ANKS1B: variants seen among roughly 807,000 people sequenced by gnomAD.
ANKS1B encodes ankyrin repeat and sterile alpha motif domain-containing protein 1B.
ANKS1B carries 36 observed loss-of-function variants against 148.3 expected under a neutral mutation model. The ratio of observed to expected loss-of-function variants is 0.24; its 90% CI spans 0.19 to 0.32. ANKS1B has a LOEUF of 0.32. Among genes scored for constraint, ANKS1B ranks in the 10% least tolerant of loss-of-function variants. ANKS1B has a pLI of 1.00. For synonymous variants in ANKS1B, 542 were observed against 560.8 expected (o/e 0.97, Z 0.47); for missense variants, 1,157 against 1,542.6 (o/e 0.75, Z 4.19).
intron 8 of ANKS1B, among the ~76,000 whole-genome samples, chr12:99,705,326 A>G (rs2055561444): frequency 6.6e-6 from 1 of 152,076 alleles, no homozygotes; most frequent in African/African-American, 2.4e-5. Context: ...GAAAACAGGT[A>G]TACTGGATGT....
chr12:98,794,379 C>G, intron 22 of ANKS1B: 1 of 200,216 alleles, frequency 5.0e-6, no homozygotes, highest in African/African-American at 3.6e-5. Context: ...GTGACAAGAG[C>G]GAAACTCTGT....
intron 1 of ANKS1B, among the ~76,000 whole-genome samples, chr12:99,964,105 A>G (rs1400904876): frequency 1.3e-5 from 2 of 152,142 alleles, no homozygotes; most frequent in Non-Finnish European, 2.9e-5. Context: ...GGCCTACTAC[A>G]TGTCCACAAC....
intron 17 of ANKS1B, among the ~76,000 whole-genome samples, chr12:99,014,943 G>A (rs2099941522): frequency 6.6e-6 from 1 of 152,216 alleles, no homozygotes; most frequent in Non-Finnish European, 1.5e-5. Context: ...TTCAGCCATT[G>A]TGGAAGACAC....
chr12:99,603,964 G>A (rs2153304527), intron 9 of ANKS1B, among the ~76,000 whole-genome samples: 1 of 152,192 alleles, frequency 6.6e-6, no homozygotes, highest in South Asian at 2.1e-4. Context: ...TGATCCCAAA[G>A]TTATCAGAAA....
rs535556925 is a variant in ANKS1B, at chr12:99,342,482, C to T, written c.1756+57149G>A. ...TGCGATAAGTCTAAAGAGGTAGAAA[C>T]CCAACCAATGTTCATTGAATGAATA... is the stretch of plus-strand genomic sequence containing the variant. On this transcript the variant is annotated intron_variant, in intron 12 of 26. Transcript: ENST00000683438. 3.9e-5 allele frequency among the ~76,000 whole-genome samples: 6 copies of T among 152,020 alleles called. No individual in the cohort carries two copies. The South Asian group carries it at 1.2e-3, about 32-fold the overall frequency.
At chr12:98,972,129 C>T (rs1189422428) in intron 17 of ANKS1B, among the ~76,000 whole-genome samples, 1 of 152,186 alleles carries the variant, frequency 6.6e-6, no homozygotes, top group African/African-American at 2.4e-5. Context: ...GATTGTGCCA[C>T]TGCACTCCAG....
intron 9 of ANKS1B, among the ~76,000 whole-genome samples, chr12:99,613,862 A>G (rs2097922995): frequency 6.6e-6 from 1 of 152,036 alleles, no homozygotes; most frequent in South Asian, 2.1e-4. Flanking sequence ...AAACTTAAAA[A>G]TAAAGTCAAA....
At chr12:99,662,396 C>T (rs754894706) in intron 8 of ANKS1B, among the ~76,000 whole-genome samples, 8 of 152,154 alleles carry the variant, frequency 5.3e-5, no homozygotes, top group Non-Finnish European at 7.4e-5. Flanking sequence ...ATAAAAGCTG[C>T]ATGATTGCAG....
intron 8 of ANKS1B, among the ~76,000 whole-genome samples, chr12:99,700,095 A>G (rs2054570788): frequency 6.6e-6 from 1 of 152,200 alleles, no homozygotes; most frequent in Non-Finnish European, 1.5e-5. Context: ...TTTGCACAGA[A>G]GACAACTTTT....
At chr12:99,344,510 T>C (rs540981499) in intron 12 of ANKS1B, among the ~76,000 whole-genome samples, 1 of 152,202 alleles carries the variant, frequency 6.6e-6, no homozygotes, top group East Asian at 1.9e-4. Context: ...CATAAAATTT[T>C]GTAAGAACAT....
At chr12:98,803,866 AG>A (rs1304486223) in intron 20 of ANKS1B, among the ~76,000 whole-genome samples, 2 of 152,254 alleles carry the variant, frequency 1.3e-5, no homozygotes, top group Non-Finnish European at 2.9e-5. Context: ...ATACATTTAA[AG>A]CCAGAGCCAC....
At chr12:98,830,338 G>A (rs978932923) in intron 18 of ANKS1B, among the ~76,000 whole-genome samples, 6 of 151,860 alleles carry the variant, frequency 4.0e-5, no homozygotes, top group African/African-American at 1.5e-4. Context: ...AAACTCTCAA[G>A]TAGCCTCCAA....
chr12:98,918,467 C>T (rs960580883), intron 17 of ANKS1B, among the ~76,000 whole-genome samples: 11 of 152,334 alleles, frequency 7.2e-5, no homozygotes, highest in Non-Finnish European at 1.3e-4. Flanking sequence ...CTCTAACCAA[C>T]GTATGCCCCA....
At chr12:99,237,791 T>C (rs2088299453) in intron 14 of ANKS1B, among the ~76,000 whole-genome samples, 1 of 152,314 alleles carries the variant, frequency 6.6e-6, no homozygotes, top group East Asian at 1.9e-4. Context: ...TCTATATATA[T>C]ACATATTTGA....
At chr12:99,042,739 T>C (rs1281325629) in intron 17 of ANKS1B, among the ~76,000 whole-genome samples, 1 of 152,162 alleles carries the variant, frequency 6.6e-6, no homozygotes, top group Non-Finnish European at 1.5e-5. Context: ...GACAACAATA[T>C]CTAGCAGACA....
intron 22 of ANKS1B, among the ~76,000 whole-genome samples, chr12:98,789,340 A>C (rs1400954926): frequency 1.3e-5 from 2 of 152,150 alleles, no homozygotes; most frequent in African/African-American, 2.4e-5. Flanking sequence ...GACTCAAAAC[A>C]AAAACAAAAA....
intron 12 of ANKS1B, among the ~76,000 whole-genome samples, chr12:99,377,993 A>G (rs1208372215): frequency 6.6e-6 from 1 of 152,236 alleles, no homozygotes; most frequent in East Asian, 1.9e-4. Context: ...TAGCCTTTCC[A>G]GATGGCAAAC....
rs1388352186 is a variant in ANKS1B, at chr12:99,984,803, C to G, written c.-566G>C. On this transcript the variant is annotated 5_prime_UTR_variant, in exon 1 of 27. Coordinates refer to ENST00000683438, the MANE Select transcript of ANKS1B (RefSeq NM_001352186.2). ...GCGGCTCGTGCGCTGTGGCCCGCGC[C>G]GAGGCAGGGCGGTGGGGGGCAGCCG... 6.8e-6 allele frequency: 1 copy of G among 147,076 alleles called. No individual in the cohort carries two copies. The highest frequency in any genetic ancestry group is 1.5e-5 in the Non-Finnish European group (1 of 65,862). 9.1% of individuals were successfully genotyped at this position (147,076 alleles called of 1,614,324 possible). A position where few individuals can be genotyped will look rare whatever the true frequency, so the allele number is the denominator to read the frequency against.
chr12:99,637,845 GGA>G (rs376108557), intron 9 of ANKS1B, among the ~76,000 whole-genome samples: 17 of 145,910 alleles, frequency 1.2e-4, no homozygotes, highest in Admixed American at 2.7e-4. Flanking sequence ...ACACATACAC[GGA>G]GAGAGAGAGA....
Sources: gnomAD v4.1 joint callset for allele counts (sites outside exome capture counted in the v4.1 genomes callset) on GRCh38, gnomAD v4.1.1 for gene constraint, MANE v1.5 for transcripts, NCBI Gene and HGNC (gene_info 2026-07-23, HGNC 2026-07-21) for gene names.